Variants in SLC8A1 observed in about 807,000 individuals in gnomAD.
SLC8A1 encodes the protein sodium/calcium exchanger 1.
SLC8A1 carries 18 observed loss-of-function variants against 68.3 expected under a neutral mutation model. The ratio of observed to expected loss-of-function variants is 0.26; its 90% CI spans 0.18 to 0.39. The LOEUF (loss-of-function observed/expected upper bound fraction) is 0.39, where lower values mean the gene tolerates loss of function less well. Ranked by LOEUF, SLC8A1 falls within the 10% of genes least tolerant of loss-of-function variation. The pLI is 1.00. For synonymous variants in SLC8A1, 475 were observed against 415.5 expected (o/e 1.14, Z -1.74); for missense variants, 985 against 1,156.7 (o/e 0.85, Z 2.15).
At chr2:40,448,382 A>G (rs774608505) in intron 1 of SLC8A1, among the ~76,000 whole-genome samples, 1 of 152,202 alleles carries the variant, frequency 6.6e-6, no homozygotes, top group East Asian at 1.9e-4. Context: ...CTGAATCCAA[A>G]TCTGAATCTC....
chr2:40,357,087 G>C (rs374139554), intron 2 of SLC8A1, among the ~76,000 whole-genome samples: 2 of 152,312 alleles, frequency 1.3e-5, no homozygotes, highest in South Asian at 4.1e-4. Flanking sequence ...TAGTAGGGTA[G>C]GAGGCACATG....
intron 2 of SLC8A1, among the ~76,000 whole-genome samples, chr2:40,219,557 T>C (rs1376577055): frequency 2.6e-5 from 4 of 152,218 alleles, no homozygotes; most frequent in Non-Finnish European, 5.9e-5. Flanking sequence ...ACCCATGTAG[T>C]TTCCTTCAGC....
intron 2 of SLC8A1, among the ~76,000 whole-genome samples, chr2:40,244,252 C>T (rs939121354): frequency 1.3e-5 from 2 of 152,164 alleles, no homozygotes; most frequent in East Asian, 1.9e-4. Flanking sequence ...ATTAGGAAAG[C>T]GTCAGTGCAC....
intron 1 of SLC8A1, among the ~76,000 whole-genome samples, chr2:40,490,122 C>A (rs963683649): frequency 6.6e-6 from 1 of 152,000 alleles, no homozygotes; most frequent in African/African-American, 2.4e-5. Flanking sequence ...AGTGAAATTG[C>A]GTGGATATCT....
chr2:40,433,781 T>G (rs1184015760), intron 1 of SLC8A1, among the ~76,000 whole-genome samples: 1 of 152,124 alleles, frequency 6.6e-6, no homozygotes, highest in African/African-American at 2.4e-5. Context: ...TCCCTGATAG[T>G]GTGTGAAGTA....
At position 40,483,637 on chromosome 2, in the gene SLC8A1, G is replaced by A. The variant is rs1463217790; in HGVS notation, c.-25+28712C>T. 3.3e-5 allele frequency among the ~76,000 whole-genome samples: 5 copies of A among 152,146 alleles called. No individual in the cohort carries two copies. In the East Asian group the frequency reaches 7.7e-4, roughly 23 times the overall value. On this transcript the variant is annotated intron_variant, in intron 1 of 7. Transcript: ENST00000402441. ...AAGGATTATATTACGGTAAAGTGAGGCCACATGACTAGGTTCTGCCTGGTA... is the reference window on the plus strand; with the variant it reads ...AAGGATTATATTACGGTAAAGTGAGACCACATGACTAGGTTCTGCCTGGTA...
intron 7 of SLC8A1, chr2:40,123,349 A>T (rs532435297): frequency 2.2e-4 from 34 of 152,390 alleles, no homozygotes; most frequent in South Asian, 6.2e-4. Context: ...CTCCTTTAGC[A>T]AACATGGATA....
At chr2:40,135,058 C>T (rs1243550833) in intron 7 of SLC8A1, among the ~76,000 whole-genome samples, 1 of 152,058 alleles carries the variant, frequency 6.6e-6, no homozygotes, top group Non-Finnish European at 1.5e-5. Context: ...TATGAGACAG[C>T]TAGTGCAATC....
chr2:40,260,657 A>G (rs1186652421), intron 2 of SLC8A1, among the ~76,000 whole-genome samples: 1 of 152,206 alleles, frequency 6.6e-6, no homozygotes, highest in Non-Finnish European at 1.5e-5. Flanking sequence ...TGAGAAAGAA[A>G]AAGAGGTGTC....
chr2:40,413,426 A>T, intron 2 of SLC8A1, among the ~76,000 whole-genome samples: 1 of 152,216 alleles, frequency 6.6e-6, no homozygotes, highest in East Asian at 1.9e-4. Flanking sequence ...GCAGCCATAA[A>T]AAAATGATGA....
At chr2:40,233,089 T>A (rs900586725) in intron 2 of SLC8A1, among the ~76,000 whole-genome samples, 7 of 152,140 alleles carry the variant, frequency 4.6e-5, no homozygotes, top group Non-Finnish European at 8.8e-5. Flanking sequence ...AGCAGCATGA[T>A]TTATAGTCCT....
intron 1 of SLC8A1, among the ~76,000 whole-genome samples, chr2:40,473,829 G>T (rs557848427): frequency 1.3e-5 from 2 of 152,288 alleles, no homozygotes; most frequent in Middle Eastern, 3.4e-3. Flanking sequence ...AACTTGGGTA[G>T]ATAACTCTAT....
intron 2 of SLC8A1, among the ~76,000 whole-genome samples, chr2:40,353,383 C>G (rs537800015): frequency 6.6e-6 from 1 of 152,226 alleles, no homozygotes; most frequent in Admixed American, 6.6e-5. Flanking sequence ...AAAAACTTGG[C>G]CTCATCTGTG....
intron 2 of SLC8A1, among the ~76,000 whole-genome samples, chr2:40,317,124 A>G (rs746644242): frequency 9.9e-5 from 15 of 152,034 alleles, no homozygotes; most frequent in Non-Finnish European, 2.2e-4. Flanking sequence ...ATAATATGTT[A>G]CTGAATAGTT....
chr2:40,342,293 C>A (rs1411192570), intron 2 of SLC8A1, among the ~76,000 whole-genome samples: 1 of 152,146 alleles, frequency 6.6e-6, no homozygotes, highest in East Asian at 1.9e-4. Flanking sequence ...GCTCTTTAAA[C>A]TGGCCTTACC....
chr2:40,187,018 C>G (rs1445040517), intron 2 of SLC8A1, among the ~76,000 whole-genome samples: 1 of 152,138 alleles, frequency 6.6e-6, no homozygotes, highest in Non-Finnish European at 1.5e-5. Flanking sequence ...GCAGTTCTTG[C>G]CTGCCTGTTT....
chr2:40,418,159 G>C (rs1256402056), intron 2 of SLC8A1, among the ~76,000 whole-genome samples: 9 of 152,072 alleles, frequency 5.9e-5, no homozygotes, highest in Admixed American at 1.3e-4. Flanking sequence ...ACAACCGCAA[G>C]ATAGTTTAGC....
intron 2 of SLC8A1, among the ~76,000 whole-genome samples, chr2:40,387,055 C>T (rs1416453783): frequency 6.6e-6 from 1 of 151,378 alleles, no homozygotes; most frequent in African/African-American, 2.5e-5. Context: ...GCATAACAAC[C>T]TTTATGAAGA....
At chr2:40,306,568 T>C (rs1027607640) in intron 2 of SLC8A1, among the ~76,000 whole-genome samples, 1 of 152,164 alleles carries the variant, frequency 6.6e-6, no homozygotes, top group African/African-American at 2.4e-5. Context: ...TGGGAAACAT[T>C]CTTGGAAATA....
Sources: allele counts gnomAD v4.1 joint callset (sites outside exome capture counted in the v4.1 genomes callset), GRCh38; gene constraint gnomAD v4.1.1; transcripts MANE v1.5; gene names NCBI Gene and HGNC (gene_info 2026-07-23, HGNC 2026-07-21).